STPG2: variants seen among roughly 807,000 people sequenced by gnomAD.
The protein encoded by STPG2 is sperm-tail PG-rich repeat-containing protein 2.
STPG2 carries 56 observed loss-of-function variants against 54.2 expected under a neutral mutation model. The ratio of observed to expected loss-of-function variants is 1.03; its 90% CI spans 0.83 to 1.29. The LOEUF is 1.29. Among genes scored for constraint, STPG2 ranks in the 50% most tolerant of loss-of-function variants. The probability of loss-of-function intolerance (pLI) is 0.00; values close to 1 mark genes in which losing one functional copy is unlikely to be tolerated. For synonymous variants in STPG2, 200 were observed against 181.8 expected (o/e 1.10, Z -0.81); for missense variants, 596 against 544.9 (o/e 1.09, Z -0.93).
At chr4:97,885,946 T>C (rs997996432) in intron 8 of STPG2, among the ~76,000 whole-genome samples, 2 of 152,114 alleles carry the variant, frequency 1.3e-5, no homozygotes, top group Admixed American at 1.3e-4. Flanking sequence ...AGTCATAAAA[T>C]GTTCTAAGAT....
At chr4:97,516,070 A>C (rs1286951071) in intron 4 of STPG2, among the ~76,000 whole-genome samples, 1 of 152,084 alleles carries the variant, frequency 6.6e-6, no homozygotes, top group African/African-American at 2.4e-5. Context: ...CATTGTCCCT[A>C]AGTGCACACA....
intron 8 of STPG2, among the ~76,000 whole-genome samples, chr4:97,866,235 T>G (rs780066777): frequency 7.2e-5 from 11 of 151,946 alleles, no homozygotes; most frequent in Non-Finnish European, 1.3e-4. Flanking sequence ...CATTTTAATA[T>G]AACTAAAAGA....
intron 5 of STPG2, among the ~76,000 whole-genome samples, chr4:98,010,254 T>G (rs1197218914): frequency 6.6e-6 from 1 of 152,162 alleles, no homozygotes; most frequent in Non-Finnish European, 1.5e-5. Context: ...CTCTTGACAC[T>G]GCTTTCACTG....
intron 9 of STPG2, among the ~76,000 whole-genome samples, chr4:97,800,476 A>C (rs928819599): frequency 6.6e-6 from 1 of 152,230 alleles, no homozygotes; most frequent in Non-Finnish European, 1.5e-5. Context: ...GGGTATCAGC[A>C]GTGGAGGCTG....
intron 9 of STPG2, among the ~76,000 whole-genome samples, chr4:97,746,954 A>T (rs1481317929): frequency 6.6e-6 from 1 of 151,050 alleles, no homozygotes; most frequent in Non-Finnish European, 1.5e-5. Context: ...GCATAAATGA[A>T]TCTATTTTGA....
At chr4:97,568,325 T>C (rs1732507763) in intron 10 of STPG2, among the ~76,000 whole-genome samples, 1 of 152,190 alleles carries the variant, frequency 6.6e-6, no homozygotes, top group South Asian at 2.1e-4. Flanking sequence ...AAATGTGTTG[T>C]TGATTTCAGG....
At chr4:97,508,831 A>G (rs185941888) in intron 4 of STPG2, among the ~76,000 whole-genome samples, 30 of 152,234 alleles carry the variant, frequency 2.0e-4, no homozygotes, top group Admixed American at 1.6e-3. Flanking sequence ...ATACTTTAAT[A>G]GTGCTTTATA....
chr4:97,804,700 C>T (rs1727499801), intron 9 of STPG2, among the ~76,000 whole-genome samples: 1 of 152,106 alleles, frequency 6.6e-6, no homozygotes, highest in African/African-American at 2.4e-5. Flanking sequence ...ACTCAACATG[C>T]ACTCACTCAC....
chr4:97,477,586 C>T (rs190888592), intron 4 of STPG2, among the ~76,000 whole-genome samples: 1 of 151,202 alleles, frequency 6.6e-6, no homozygotes, highest in Non-Finnish European at 1.5e-5. Flanking sequence ...ACGCCATCCT[C>T]CTGCCTCAGC....
chr4:97,736,073 C>A (rs910965339), intron 9 of STPG2, among the ~76,000 whole-genome samples: 1 of 152,042 alleles, frequency 6.6e-6, no homozygotes, highest in Non-Finnish European at 1.5e-5. Flanking sequence ...AAAGGAGAAC[C>A]CTTATACACT....
At chr4:98,110,946 TA>T (rs1739329693) in intron 3 of STPG2, among the ~76,000 whole-genome samples, 2 of 126,482 alleles carry the variant, frequency 1.6e-5, no homozygotes. Flanking sequence ...ATCAAATCCA[TA>T]CCTGCCCCAC....
chr4:97,996,202 C>T (rs961105151), intron 5 of STPG2, among the ~76,000 whole-genome samples: 9 of 152,304 alleles, frequency 5.9e-5, no homozygotes, highest in African/African-American at 2.2e-4. Context: ...TACTACAAGG[C>T]TACAGTAACC....
chr4:98,085,451 T>C (rs2110120398), intron 5 of STPG2, among the ~76,000 whole-genome samples: 1 of 152,212 alleles, frequency 6.6e-6, no homozygotes, highest in Non-Finnish European at 1.5e-5. Context: ...TTGATACTAT[T>C]ACATTGAATC....
At chr4:97,668,494 G>T (rs1722591641) in intron 10 of STPG2, among the ~76,000 whole-genome samples, 1 of 152,254 alleles carries the variant, frequency 6.6e-6, no homozygotes, top group Admixed American at 6.5e-5. Context: ...TGAGAAGCCT[G>T]TGCAGTAACC....
chr4:97,619,807 T>C (rs1402064203), intron 10 of STPG2, among the ~76,000 whole-genome samples: 1 of 150,408 alleles, frequency 6.6e-6, no homozygotes, highest in African/African-American at 2.5e-5. Flanking sequence ...CATCACATTA[T>C]TATAATTTCT....
At chr4:97,921,562 G>C (rs1419643431) in intron 8 of STPG2, among the ~76,000 whole-genome samples, 2 of 151,690 alleles carry the variant, frequency 1.3e-5, no homozygotes, top group Admixed American at 1.3e-4. Flanking sequence ...GAAAGAATTA[G>C]TGAGCATGAA....
chr4:97,484,098 C>A (rs1339690890), intron 4 of STPG2, among the ~76,000 whole-genome samples: 1 of 151,668 alleles, frequency 6.6e-6, no homozygotes, highest in African/African-American at 2.4e-5. Flanking sequence ...AAGTTCATAG[C>A]CCCAAATGCC....
intron 9 of STPG2, among the ~76,000 whole-genome samples, chr4:97,745,486 C>T (rs1342209224): frequency 6.6e-6 from 1 of 150,968 alleles, no homozygotes; most frequent in Non-Finnish European, 1.5e-5. Context: ...TTTTTATATT[C>T]ATTCACAAGG....
intron 10 of STPG2, among the ~76,000 whole-genome samples, chr4:97,624,961 A>G (rs1734103020): frequency 6.6e-6 from 1 of 152,170 alleles, no homozygotes; most frequent in African/African-American, 2.4e-5. Context: ...CTAATCCAAC[A>G]GGACTGGTGC....
Sources: gnomAD v4.1 joint callset for allele counts (sites outside exome capture counted in the v4.1 genomes callset) on GRCh38, gnomAD v4.1.1 for gene constraint, MANE v1.5 for transcripts, NCBI Gene and HGNC (gene_info 2026-07-23, HGNC 2026-07-21) for gene names.